Variants in ZNF106 observed in about 807,000 individuals in gnomAD.
ZNF106 encodes SH3-domain binding protein 3.
Under a neutral mutation model 195.1 loss-of-function variants are expected in ZNF106, and 67 were observed. That is an observed-to-expected ratio of 0.34 (90% confidence interval 0.28 to 0.42). The LOEUF is 0.42. Among genes scored for constraint, ZNF106 ranks in the 10% least tolerant of loss-of-function variants. The pLI is 1.00. For synonymous variants in ZNF106, 784 were observed against 818.6 expected, an observed-to-expected ratio of 0.96 and a Z score of 0.72; for missense variants, 2,118 against 2,304.5, an observed-to-expected ratio of 0.92 and a Z score of 1.66.
At chr15:42,468,292 G>A (rs576375941) in intron 2 of ZNF106, among the ~76,000 whole-genome samples, 1 of 150,352 alleles carries the variant, frequency 6.7e-6, no homozygotes, top group East Asian at 2.0e-4. Flanking sequence ...TGGCCAGGCT[G>A]GTCTCAAACT....
At chr15:42,428,189 A>C (rs2054925062) in intron 14 of ZNF106, 55 bp from the exon 15 acceptor site, 1 of 1,454,100 alleles carries the variant, frequency 6.9e-7, no homozygotes, top group African/African-American at 1.4e-5. Context: ...ATGAGATGTC[A>C]AAAACAATTC....
Position 42,444,979 on chromosome 15 carries a change from G to A in ZNF106, c.3208C>T (p.Arg1070Cys), listed in dbSNP as rs1431608768. The A allele has an allele frequency of 1.5e-5, 24 of 1,613,896 alleles. No individual in the cohort carries two copies. Among genetic ancestry groups the A allele is most frequent in the East Asian group, 8.9e-5 (4 of 44,902 alleles). The change falls in exon 8 of 22, where the codon CGT becomes TGT. Residue 1070 changes from arginine to cysteine, a missense_variant and splice_region_variant. Arg to Cys is a radical substitution (Grantham distance 180). Transcript: ENST00000564754. ...TTCAGCAGCTGGTCAACCTGAGAAC[G>A]TTCTGCCAAAAGAAATCATAAGGTT... is the stretch of plus-strand genomic sequence containing the variant. ...KRRKIKGKKE[R>C]SQVDQLLNIS...
At chr15:42,483,380 A>G (rs1250155676) in intron 1 of ZNF106, among the ~76,000 whole-genome samples, 2 of 152,180 alleles carry the variant, frequency 1.3e-5, no homozygotes, top group African/African-American at 4.8e-5. Flanking sequence ...CAAAGAAGAC[A>G]TATCCTCCAT....
Position 42,449,746 on chromosome 15 carries a change from A to C in ZNF106, c.2501+25T>G, listed in dbSNP as rs1178084943. The C allele has an allele frequency of 5.1e-6, 8 of 1,574,266 alleles. No individual in the cohort carries two copies. The Admixed American group carries it at 5.7e-5, about 11-fold the overall frequency. ...TACTTTAAAAGAAAGTGAGGAAAAA[A>C]AAGACACCGAAAAGCAGCACACACC... On this transcript the variant is annotated intron_variant, in intron 5 of 21. Transcript: ENST00000564754.
At chr15:42,449,643 G>C in intron 5 of ZNF106, 128 bp downstream of exon 5, 1 of 1,256,536 alleles carries the variant, frequency 8.0e-7, no homozygotes, top group Non-Finnish European at 1.1e-6. Context: ...ATTAAATCAA[G>C]ACATCTACAA....
chr15:42,479,275 G>A (rs1210653104), intron 1 of ZNF106, among the ~76,000 whole-genome samples: 3 of 152,104 alleles, frequency 2.0e-5, no homozygotes, highest in Admixed American at 2.0e-4. Context: ...TTGGGAGGTT[G>A]AGGCAGGAGA....
intron 12 of ZNF106, among the ~76,000 whole-genome samples, chr15:42,438,353 T>C (rs1315821612): frequency 1.3e-5 from 2 of 152,196 alleles, no homozygotes; most frequent in Non-Finnish European, 2.9e-5. Flanking sequence ...ATAGCGCCAC[T>C]GCACTCCAGC....
At position 42,421,098 on chromosome 15, in the gene ZNF106, G is replaced by A; in HGVS notation, c.5480C>T (p.Ala1827Val). 1 of 1,614,094 alleles carries A rather than the reference G, an allele frequency of 6.2e-7. No homozygotes were observed. The highest frequency in any genetic ancestry group is 1.1e-5 in the South Asian group (1 of 91,084). The change falls in exon 20 of 22, where the codon GCC becomes GTC. Residue 1827 changes from alanine to valine, a missense_variant. Physicochemically the swap from Ala to Val is moderately conservative, Grantham distance 64. Coordinates refer to ENST00000564754, the MANE Select transcript of ZNF106 (RefSeq NM_001366845.3). The part of the protein sequence containing the change: ...YTGCYDGSIQ[A>V]VRLNLMQNYR... ...ATTCTGCATCAGATTAAGCCTCACG[G>A]CCTGAATACTGCCATCATAACAGCC...
chr15:42,437,181 G>A, intron 13 of ZNF106, 51 bp downstream of exon 13: 1 of 1,566,454 alleles, frequency 6.4e-7, no homozygotes. Flanking sequence ...GTATAAACTG[G>A]ATTTTCCAAA....
In ZNF106 at chr15:42,451,791, C is replaced by T; in HGVS notation, c.481G>A (p.Gly161Ser). The change falls in exon 5 of 22, where the codon GGC (glycine) becomes AGC (serine). Residue 161 changes from glycine to serine, a missense_variant. Coordinates refer to ENST00000564754, the MANE Select transcript of ZNF106 (RefSeq NM_001366845.3). Reference sequence around the variant, plus strand: ...CTGTTTTTCCTAGTATTATTAAAGCCATCTTTTTCCCATTTCCAATCCCGC... The same window carrying T: ...CTGTTTTTCCTAGTATTATTAAAGCTATCTTTTTCCCATTTCCAATCCCGC... ...PQRDWKWEKD[G>S]FNNTRKNSFP... The T allele has an allele frequency of 6.2e-7, 1 of 1,614,198 alleles. No individual in the cohort carries two copies. Among genetic ancestry groups the T allele is most frequent in the Non-Finnish European group, 8.5e-7 (1 of 1,180,034 alleles).
At chr15:42,442,562 G>T in intron 9 of ZNF106, 148 bp from the exon 10 acceptor site, 2 of 558,414 alleles carry the variant, frequency 3.6e-6, no homozygotes, top group Non-Finnish European at 3.0e-6. Context: ...GAAATATGGA[G>T]AATATAATCT....
At chr15:42,458,623 G>A (rs1263254151) in intron 3 of ZNF106, among the ~76,000 whole-genome samples, 3 of 151,418 alleles carry the variant, frequency 2.0e-5, no homozygotes, top group South Asian at 4.2e-4. Flanking sequence ...CAGGAGAATC[G>A]CTTGAACCCA....
intron 10 of ZNF106, among the ~76,000 whole-genome samples, chr15:42,441,001 ATATATATATATATATATATATAT>A (rs1567009276): frequency 0.24 from 3,896 of 16,344 alleles, 652 homozygotes; most frequent in Admixed American, 0.42. Context: ...AAAAAAAAAT[ATATATATATATATATATATATAT>A]ATATATATAT....
rs528298338 is a variant in ZNF106, at chr15:42,433,500, T to C, written c.4881+1884A>G. On this transcript the variant is annotated intron_variant, in intron 14 of 21. Coordinates refer to ENST00000564754, the MANE Select transcript of ZNF106 (RefSeq NM_001366845.3). The stretch of plus-strand genomic sequence containing the variant: ...CTTTTTTTTTTCTTTTCTTTTTTTT[T>C]TGGACAGAGTCTTGCTCTGTCGCCC... Among the ~76,000 whole-genome samples, 264 of 151,034 alleles carry C rather than the reference T, an allele frequency of 1.7e-3. 1 individual carries two copies. Among genetic ancestry groups the C allele is most frequent in the African/African-American group, 6.2e-3 (253 of 40,914 alleles).
At chr15:42,483,190 T>C (rs2056941434) in intron 1 of ZNF106, among the ~76,000 whole-genome samples, 1 of 152,196 alleles carries the variant, frequency 6.6e-6, no homozygotes, top group African/African-American at 2.4e-5. Context: ...AACTCTCCAG[T>C]AGATTTTACT....
chr15:42,420,976 C>G lies in ZNF106; in HGVS notation c.5517+85G>C, dbSNP rs1595860706. 3 of 1,202,252 alleles carry G rather than the reference C, an allele frequency of 2.5e-6. No homozygotes were observed. The East Asian group carries it at 7.0e-5, about 28-fold the overall frequency. The allele number at this position is 1,202,252 out of a possible 1,614,324, so 74.5% of individuals were successfully genotyped here. A position where few individuals can be genotyped will look rare whatever the true frequency, so the allele number is the denominator to read the frequency against. On this transcript the variant is annotated intron_variant, in intron 20 of 21. Coordinates refer to ENST00000564754, the MANE Select transcript of ZNF106 (RefSeq NM_001366845.3). ...TAGATGCTAAAATATAAAAATGCTA[C>G]ACTGATGATAATGAAGATCTATCAA...
chr15:42,421,688 C>G (rs1443253199), intron 19 of ZNF106, among the ~76,000 whole-genome samples: 2 of 152,092 alleles, frequency 1.3e-5, no homozygotes, highest in Non-Finnish European at 2.9e-5. Flanking sequence ...TTAAATTTAC[C>G]TTCTATTAAA....
At chr15:42,444,067 G>GCAC (rs1194824852) in intron 9 of ZNF106, 135 bp downstream of exon 9, 3 of 561,740 alleles carry the variant, frequency 5.3e-6, no homozygotes, top group Non-Finnish European at 8.8e-6. Flanking sequence ...AGCAGAGATT[G>GCAC]CACCACTGCA....
At position 42,449,993 on chromosome 15, in the gene ZNF106, C is replaced by G; in HGVS notation, c.2279G>C (p.Ser760Thr). 6.2e-7 allele frequency: 1 copy of G among 1,614,204 alleles called. No homozygotes were observed. Among genetic ancestry groups the G allele is most frequent in the South Asian group, 1.1e-5 (1 of 91,088 alleles). Residue 760 changes from serine to threonine, a missense_variant, in exon 5 of 22, where the codon AGT (serine) becomes ACT (threonine). Ser to Thr is a moderately conservative substitution (Grantham distance 58). Transcript: ENST00000564754. Reference protein sequence around the residue: ...SLQRDLTRHISLKSKTGVHLP... With the variant: ...SLQRDLTRHITLKSKTGVHLP... ...GTGTACTCCAGTTTTGCTCTTCAAA[C>G]TAATGTGCCGGGTTAGATCCCTCTG...
Sources: gnomAD v4.1 joint callset for allele counts (sites outside exome capture counted in the v4.1 genomes callset) on GRCh38, gnomAD v4.1.1 for gene constraint, MANE v1.5 for transcripts, NCBI Gene and HGNC (gene_info 2026-07-23, HGNC 2026-07-21) for gene names.